The following ATP8A1 variants were observed in gnomAD, a reference collection of about 807,000 sequenced individuals.
The protein encoded by ATP8A1 is ATPase phospholipid transporting 8A1, also known as phospholipid-transporting ATPase IA.
A neutral mutation model predicts 177.7 loss-of-function variants in ATP8A1; 90 were observed. That is an observed-to-expected ratio of 0.51 (90% CI 0.43 to 0.60). The LOEUF (loss-of-function observed/expected upper bound fraction) is 0.60, where lower values mean the gene tolerates loss of function less well. ATP8A1 is among the 20% of genes least tolerant of loss of function. ATP8A1 has a pLI of 0.00. For synonymous variants in ATP8A1, 493 were observed against 485.9 expected, an observed-to-expected ratio of 1.01 and a Z score of -0.19; for missense variants, 1,072 against 1,392.8, an observed-to-expected ratio of 0.77 and a Z score of 3.67.
At chr4:42,628,223 A>G (rs1738324512) in intron 1 of ATP8A1, among the ~76,000 whole-genome samples, 1 of 152,132 alleles carries the variant, frequency 6.6e-6, no homozygotes, top group South Asian at 2.1e-4. Flanking sequence ...TGATGAAAAA[A>G]CAACTGTTGG....
chr4:42,513,046 T>C (rs1449555689), intron 22 of ATP8A1, among the ~76,000 whole-genome samples: 2 of 152,186 alleles, frequency 1.3e-5, no homozygotes, highest in East Asian at 1.9e-4. Flanking sequence ...TATTTACAAA[T>C]AGGCAGTGGG....
At chr4:42,449,419 G>A (rs1717693887) in intron 30 of ATP8A1, among the ~76,000 whole-genome samples, 1 of 152,164 alleles carries the variant, frequency 6.6e-6, no homozygotes, top group Non-Finnish European at 1.5e-5. Context: ...ACCACTGTTT[G>A]TGGATGGCAA....
chr4:42,440,588 G>GAC (rs1716514481), intron 33 of ATP8A1, among the ~76,000 whole-genome samples: 1 of 151,962 alleles, frequency 6.6e-6, no homozygotes, highest in African/African-American at 2.4e-5. Flanking sequence ...AATAGCGTCA[G>GAC]ACACACAGAA....
chr4:42,422,197 T>C (rs78055139), intron 35 of ATP8A1, among the ~76,000 whole-genome samples: 23,333 of 152,114 alleles, frequency 0.15, 2,186 homozygotes, highest in East Asian at 0.23. Context: ...GTTCAAGCTA[T>C]TCTCTTGCCT....
intron 6 of ATP8A1, among the ~76,000 whole-genome samples, chr4:42,599,811 C>G (rs1735068562): frequency 6.6e-6 from 1 of 152,138 alleles, no homozygotes; most frequent in Non-Finnish European, 1.5e-5. Flanking sequence ...AGTCTTTTAC[C>G]AAGTTACCAA....
At chr4:42,521,963 T>C (rs774757520) in intron 22 of ATP8A1, among the ~76,000 whole-genome samples, 197 bp downstream of exon 22, 8 of 152,150 alleles carry the variant, frequency 5.3e-5, no homozygotes, top group Non-Finnish European at 1.0e-4. Context: ...CTATACAAAG[T>C]AATGTCTAAC....
At chr4:42,620,160 C>G (rs1737323012) in intron 4 of ATP8A1, among the ~76,000 whole-genome samples, 1 of 152,180 alleles carries the variant, frequency 6.6e-6, no homozygotes, top group African/African-American at 2.4e-5. Flanking sequence ...ATTCATTATT[C>G]TCACTGATAA....
chr4:42,496,566 A>G (rs1390429858), intron 24 of ATP8A1, among the ~76,000 whole-genome samples: 1 of 152,166 alleles, frequency 6.6e-6, no homozygotes, highest in Non-Finnish European at 1.5e-5. Context: ...GGAGAAGGTA[A>G]CAACTAGGGC....
At chr4:42,444,211 T>G (rs1022167701) in intron 32 of ATP8A1, among the ~76,000 whole-genome samples, 6 of 152,210 alleles carry the variant, frequency 3.9e-5, no homozygotes, top group African/African-American at 9.7e-5. Context: ...ATATTTTCAG[T>G]CTTCAGAATC....
intron 35 of ATP8A1, among the ~76,000 whole-genome samples, chr4:42,420,214 C>T (rs962328420): frequency 3.9e-5 from 6 of 152,134 alleles, no homozygotes; most frequent in African/African-American, 7.2e-5. Context: ...CTCCCTCCTC[C>T]GGGCACCTGC....
chr4:42,510,447 A>C (rs1724893136), intron 22 of ATP8A1, among the ~76,000 whole-genome samples: 1 of 152,176 alleles, frequency 6.6e-6, no homozygotes, highest in Admixed American at 6.5e-5. Context: ...TTTGCAGTTA[A>C]ATCATTCTGG....
intron 20 of ATP8A1, among the ~76,000 whole-genome samples, chr4:42,528,899 C>G (rs183400355): frequency 1.3e-5 from 2 of 152,130 alleles, no homozygotes; most frequent in Non-Finnish European, 2.9e-5. Flanking sequence ...GACCTTCTAC[C>G]CCAGTAAAAT....
chr4:42,523,575 T>C (rs558984712), intron 21 of ATP8A1, among the ~76,000 whole-genome samples: 3 of 152,206 alleles, frequency 2.0e-5, no homozygotes, highest in Admixed American at 2.0e-4. Flanking sequence ...GAAAACTTAC[T>C]GGAGGGTAGT....
chr4:42,465,041 A>G lies in ATP8A1; in HGVS notation c.2360T>C (p.Met787Thr). 2 of 1,613,904 alleles carry G rather than the reference A, an allele frequency of 1.2e-6. No homozygotes were observed. Among genetic ancestry groups the G allele is most frequent in the Non-Finnish European group, 1.7e-6 (2 of 1,179,868 alleles). The change falls in exon 26 of 37, where the codon ATG becomes ACG. Residue 787 changes from methionine to threonine, a missense_variant. Met to Thr is a moderately conservative substitution (Grantham distance 81). Around this residue, in one of 5 missense-constraint regions of ATP8A1, gnomAD observed 316 missense variants for 459.1 expected, o/e 0.69. Coordinates refer to ENST00000381668, the MANE Select transcript of ATP8A1 (RefSeq NM_006095.2). ...TACGACTTTGACTTGTTTCTTAACC[A>G]TCTCAACAACTTCAGATTTTTGAAG... ...SPLQKSEVVE[M>T]VKKQVKVVTL...
chr4:42,588,516 G>A (rs1733851449), intron 7 of ATP8A1, 187 bp from the exon 8 acceptor site: 1 of 499,086 alleles, frequency 2.0e-6, no homozygotes, highest in African/African-American at 2.0e-5. Flanking sequence ...ACAACTCACG[G>A]ATTAGCTTTT....
In ATP8A1 at chr4:42,522,249, G is replaced by C. The variant is rs1022846322; in HGVS notation, c.1858C>G (p.Gln620Glu). ...CGCTGATAGACTGCTCGCCACTCCT[G>C]AAAGTCGCTCTCTGAAATCTCAGCC... ...AVAEISESDF[Q>E]EWRAVYQRAS... The change falls in exon 22 of 37, where the codon CAG becomes GAG. Residue 620 changes from glutamine to glutamate, a missense_variant. Around this residue, in one of 5 missense-constraint regions of ATP8A1, gnomAD observed 388 missense variants for 471.7 expected, o/e 0.82. Transcript: ENST00000381668. The C allele has an allele frequency of 3.1e-6, 5 of 1,613,732 alleles. No individual in the cohort carries two copies. The highest frequency in any genetic ancestry group is 4.2e-6 in the Non-Finnish European group (5 of 1,179,896).
intron 20 of ATP8A1, among the ~76,000 whole-genome samples, chr4:42,529,209 C>A (rs1560425715): frequency 6.6e-6 from 1 of 152,180 alleles, no homozygotes; most frequent in East Asian, 1.9e-4. Flanking sequence ...TTTGAGGTGT[C>A]AGTGGCAGAC....
chr4:42,422,858 T>C lies in ATP8A1; in HGVS notation c.3254A>G (p.Gln1085Arg), dbSNP rs1182434394. Residue 1085 changes from glutamine (Q) to arginine (R), a missense_variant, in exon 35 of 37, where the codon CAG becomes CGG. Around this residue, in one of 5 missense-constraint regions of ATP8A1, gnomAD observed 316 missense variants for 459.1 expected, o/e 0.69. Coordinates refer to ENST00000381668, the MANE Select transcript of ATP8A1 (RefSeq NM_006095.2). ...GTCTTGAGATTTTGCCTCCAGCTCC[T>C]GAACTTCATCGACCAATGTTTTAAA... ...TAFKTLVDEV[Q>R]ELEAKSQDPG... 2 of 1,613,046 alleles carry C rather than the reference T, an allele frequency of 1.2e-6. No individual in the cohort carries two copies. Among genetic ancestry groups the C allele is most frequent in the Non-Finnish European group, 8.5e-7 (1 of 1,179,896 alleles).
At chr4:42,540,992 C>A (rs1296314328) in intron 20 of ATP8A1, among the ~76,000 whole-genome samples, 1 of 151,916 alleles carries the variant, frequency 6.6e-6, no homozygotes, top group African/African-American at 2.4e-5. Context: ...TTCTCATGTA[C>A]CCCATAAATG....
Sources: allele counts gnomAD v4.1 joint callset (sites outside exome capture counted in the v4.1 genomes callset), GRCh38; gene constraint gnomAD v4.1.1; regional missense constraint gnomAD v4.1.1; transcripts MANE v1.5; gene names NCBI Gene and HGNC (gene_info 2026-07-23, HGNC 2026-07-21).